PDE1C: variants seen among roughly 807,000 people sequenced by gnomAD.
PDE1C encodes the protein dual specificity calcium/calmodulin-dependent 3',5'-cyclic nucleotide phosphodiesterase 1C.
In PDE1C, 62 loss-of-function variants were observed where a neutral mutation model predicts 93.1. The observed-to-expected ratio is 0.67, with a 90% CI of 0.54 to 0.82. The LOEUF (loss-of-function observed/expected upper bound fraction) is 0.82, where lower values mean the gene tolerates loss of function less well. PDE1C is among the 40% of genes least tolerant of loss of function. The pLI is 0.00. For missense variants in PDE1C, 742 were observed against 884.6 expected (o/e 0.84, Z 2.04); for synonymous variants, 325 against 310.1 (o/e 1.05, Z -0.50).
intron 1 of PDE1C, among the ~76,000 whole-genome samples, chr7:32,315,822 C>G (rs777943869): frequency 6.6e-6 from 1 of 151,990 alleles, no homozygotes; most frequent in Non-Finnish European, 1.5e-5. Flanking sequence ...ATGGAGAAAC[C>G]CTGTCTCTAC....
At chr7:31,847,884 G>T in intron 9 of PDE1C, 84 bp downstream of exon 9, 1 of 1,415,188 alleles carries the variant, frequency 7.1e-7, no homozygotes, top group Non-Finnish European at 9.9e-7. Context: ...TAAGCAAGGT[G>T]TTCTTTTCTC....
At chr7:31,814,053 TACACACACGC>T (rs1787900190) in intron 15 of PDE1C, among the ~76,000 whole-genome samples, 3 of 150,630 alleles carry the variant, frequency 2.0e-5, no homozygotes, top group Non-Finnish European at 4.4e-5. Context: ...CATATATATG[TACACACACGC>T]ACGCGTGCAT....
chr7:32,310,188 C>A (rs911056546), intron 1 of PDE1C, among the ~76,000 whole-genome samples: 1 of 151,830 alleles, frequency 6.6e-6, no homozygotes, highest in African/African-American at 2.4e-5. Context: ...ATCAATTCAA[C>A]AAGAAGAGCT....
intron 1 of PDE1C, among the ~76,000 whole-genome samples, chr7:32,324,264 T>C (rs1234408205): frequency 6.6e-6 from 1 of 152,174 alleles, no homozygotes; most frequent in Non-Finnish European, 1.5e-5. Flanking sequence ...AGAAACAAAA[T>C]TTGCCAATTC....
At chr7:31,814,053 TACAC>T (rs1003988329) in intron 15 of PDE1C, among the ~76,000 whole-genome samples, 4 of 150,748 alleles carry the variant, frequency 2.7e-5, no homozygotes, top group African/African-American at 9.8e-5. Flanking sequence ...CATATATATG[TACAC>T]ACACGCACGC....
chr7:32,224,002 G>A (rs554534964), intron 1 of PDE1C, among the ~76,000 whole-genome samples: 2 of 152,052 alleles, frequency 1.3e-5, no homozygotes, highest in Admixed American at 6.6e-5. Context: ...CTCCACCTGC[G>A]GCCTTCTCAG....
At chr7:31,879,280 C>T (rs1796968467) in intron 3 of PDE1C, 102 bp from the exon 4 acceptor site, 2 of 1,121,194 alleles carry the variant, frequency 1.8e-6, no homozygotes, top group South Asian at 3.2e-5. Context: ...ATGTTAGGTG[C>T]AAAGAAACCA....
intron 1 of PDE1C, among the ~76,000 whole-genome samples, chr7:32,343,566 T>C (rs1159730289): frequency 6.6e-6 from 1 of 152,222 alleles, no homozygotes; most frequent in African/African-American, 2.4e-5. Context: ...TCAACATCCA[T>C]ATTACTCCGA....
chr7:31,903,396 T>C (rs1451913836), intron 2 of PDE1C, among the ~76,000 whole-genome samples: 1 of 151,980 alleles, frequency 6.6e-6, no homozygotes, highest in Non-Finnish European at 1.5e-5. Flanking sequence ...TTACAAAAAG[T>C]CATAAAATAC....
the PDE1C span, among the ~76,000 whole-genome samples, chr7:31,686,342 A>G: frequency 6.6e-6 from 1 of 152,096 alleles, no homozygotes; most frequent in Non-Finnish European, 1.5e-5. Context: ...TTCCTCTCCA[A>G]AAGACAGCAT....
rs371722552 is a variant in PDE1C, at chr7:31,861,464, T to G, written c.750+3478A>C. On this transcript the variant is annotated intron_variant, in intron 7 of 17. Coordinates refer to ENST00000396191, the MANE Select transcript of PDE1C (RefSeq NM_001191057.4). The stretch of plus-strand genomic sequence containing the variant: ...TCCCCTGGAACTCTAGCACCCTTTT[T>G]CTTTCTGCTTGGCCTCTGTAAATGG... 2.8e-4 allele frequency among the ~76,000 whole-genome samples: 43 copies of G among 152,076 alleles called. 1 individual carries two copies. The South Asian group carries it at 6.4e-3, about 23-fold the overall frequency.
At chr7:31,799,679 T>A (rs148365942) in intron 16 of PDE1C, among the ~76,000 whole-genome samples, 239 of 151,858 alleles carry the variant, frequency 1.6e-3, no homozygotes, top group Middle Eastern at 0.01. Flanking sequence ...ATAATGTAGA[T>A]ATGATTAGAG....
intron 1 of PDE1C, among the ~76,000 whole-genome samples, chr7:32,292,874 C>A (rs867387627): frequency 6.6e-6 from 1 of 152,232 alleles, no homozygotes; most frequent in African/African-American, 2.4e-5. Context: ...TGAGTGGACA[C>A]GCCAGGCACA....
intron 16 of PDE1C, among the ~76,000 whole-genome samples, chr7:31,793,099 G>C (rs1784775009): frequency 6.6e-6 from 1 of 151,988 alleles, no homozygotes. Context: ...TTAGAAAAAT[G>C]GGAGACGGAC....
the PDE1C span, among the ~76,000 whole-genome samples, chr7:31,636,880 C>A: frequency 9.2e-5 from 9 of 97,836 alleles, no homozygotes; most frequent in African/African-American, 3.5e-4. Flanking sequence ...CCTCCCCCCT[C>A]CCCCCTCCCC....
At chr7:31,732,611 TTC>T in the PDE1C span, among the ~76,000 whole-genome samples, 182 of 143,844 alleles carry the variant, frequency 1.3e-3, no homozygotes, top group Non-Finnish European at 1.9e-3. Context: ...CTTTAAATCT[TTC>T]TCTCTCTCTC....
intron 1 of PDE1C, among the ~76,000 whole-genome samples, chr7:32,274,212 T>TC (rs1222924489): frequency 1.3e-5 from 2 of 151,006 alleles, no homozygotes; most frequent in African/African-American, 4.9e-5. Context: ...TTTTTTAATT[T>TC]TTTTTTTTTT....
At chr7:31,717,789 G>T in the PDE1C span, among the ~76,000 whole-genome samples, 1 of 152,006 alleles carries the variant, frequency 6.6e-6, no homozygotes, top group Admixed American at 6.6e-5. Flanking sequence ...AGGATCTAGG[G>T]GTCTTTAGGA....
chr7:32,071,077 G>C, upstream of PDE1C: 13 of 985,494 alleles, frequency 1.3e-5, no homozygotes, highest in Non-Finnish European at 1.3e-5. Flanking sequence ...CGCGGAGGGA[G>C]GGGCGCGCGG....
Sources: allele counts gnomAD v4.1 joint callset (sites outside exome capture counted in the v4.1 genomes callset), GRCh38; gene constraint gnomAD v4.1.1; transcripts MANE v1.5; gene names NCBI Gene and HGNC (gene_info 2026-07-23, HGNC 2026-07-21).